The following ACOXL variants were observed in gnomAD, a reference collection of about 807,000 sequenced individuals.
The protein encoded by ACOXL is acyl-coenzyme A oxidase-like protein.
Under a neutral mutation model 71.9 loss-of-function variants are expected in ACOXL, and 70 were observed. The ratio of observed to expected loss-of-function variants is 0.97; its 90% CI spans 0.80 to 1.19. ACOXL has a LOEUF of 1.19. ACOXL is among the 50% of genes most tolerant of loss of function. The pLI, the probability that ACOXL is intolerant of heterozygous loss-of-function variation, is 0.00. For missense variants in ACOXL, 703 were observed against 736.3 expected (o/e 0.95, Z 0.52); for synonymous variants, 253 against 281.6 (o/e 0.90, Z 1.02).
intron 7 of ACOXL, among the ~76,000 whole-genome samples, chr2:110,800,254 G>A (rs2105323512): frequency 1.3e-5 from 2 of 152,268 alleles, no homozygotes; most frequent in East Asian, 3.9e-4. Context: ...CCACCAGCAG[G>A]AACCAACTCC....
intron 13 of ACOXL, among the ~76,000 whole-genome samples, chr2:110,991,533 A>T (rs956297742): frequency 6.6e-6 from 1 of 151,934 alleles, no homozygotes; most frequent in Admixed American, 6.6e-5. Flanking sequence ...CCCTCAAACC[A>T]AAAGTATTGA....
intron 14 of ACOXL, among the ~76,000 whole-genome samples, chr2:111,003,120 C>T (rs534681508): frequency 3.2e-4 from 49 of 151,998 alleles, no homozygotes; most frequent in Non-Finnish European, 6.5e-4. Context: ...TGTCAGAGAC[C>T]AAATCATTCA....
chr2:110,778,257 G>A (rs879435685), intron 2 of ACOXL, among the ~76,000 whole-genome samples: 1 of 152,124 alleles, frequency 6.6e-6, no homozygotes, highest in Non-Finnish European at 1.5e-5. Flanking sequence ...ACTATAAAAA[G>A]ATGCACAAAC....
At chr2:110,766,743 G>A (rs1377675749) in intron 1 of ACOXL, among the ~76,000 whole-genome samples, 1 of 152,176 alleles carries the variant, frequency 6.6e-6, no homozygotes, top group Non-Finnish European at 1.5e-5. Flanking sequence ...GGTGTGACTA[G>A]ATTTACCTCG....
chr2:111,055,761 C>T (rs2066504006), intron 16 of ACOXL, among the ~76,000 whole-genome samples: 1 of 152,234 alleles, frequency 6.6e-6, no homozygotes, highest in Non-Finnish European at 1.5e-5. Context: ...TCAGTAGTGT[C>T]AGTCCTTGTT....
chr2:110,778,011 C>G (rs1201366087), intron 2 of ACOXL, among the ~76,000 whole-genome samples: 3 of 152,244 alleles, frequency 2.0e-5, no homozygotes, highest in Non-Finnish European at 4.4e-5. Context: ...GACCAGCCAG[C>G]AGGCAGGAGT....
chr2:110,968,645 AT>A, intron 12 of ACOXL: 3 of 999,212 alleles, frequency 3.0e-6, no homozygotes, highest in Non-Finnish European at 4.4e-6. Context: ...CAAAATGTCC[AT>A]TGCCCAGAAG....
At chr2:110,895,343 A>G (rs2058966597) in intron 10 of ACOXL, among the ~76,000 whole-genome samples, 1 of 152,202 alleles carries the variant, frequency 6.6e-6, no homozygotes, top group Non-Finnish European at 1.5e-5. Flanking sequence ...GTAAACTAGA[A>G]GATAGAACTA....
intron 1 of ACOXL, among the ~76,000 whole-genome samples, chr2:110,761,151 T>A (rs562643656): frequency 6.6e-6 from 1 of 152,388 alleles, no homozygotes; most frequent in South Asian, 2.1e-4. Flanking sequence ...CTTGTGGTTG[T>A]TGCTTTCAAA....
At chr2:110,857,844 G>T (rs62159471) in intron 10 of ACOXL, among the ~76,000 whole-genome samples, 43,407 of 151,924 alleles carry the variant, frequency 0.29, 6,608 homozygotes, top group Non-Finnish European at 0.33. Context: ...TCTCACCTCA[G>T]CCTCCCGAGC....
At chr2:110,825,429 G>C (rs1007460084) in intron 9 of ACOXL, among the ~76,000 whole-genome samples, 9 of 151,982 alleles carry the variant, frequency 5.9e-5, no homozygotes, top group African/African-American at 2.2e-4. Context: ...AGAATCCTCA[G>C]TAGTCATTTT....
chr2:110,869,719 C>T (rs1333057203), intron 10 of ACOXL, among the ~76,000 whole-genome samples: 1 of 152,220 alleles, frequency 6.6e-6, no homozygotes, highest in Non-Finnish European at 1.5e-5. Context: ...CATCTGTCTC[C>T]AGAGCCCACA....
At chr2:110,813,054 C>T (rs1573638525) in intron 9 of ACOXL, among the ~76,000 whole-genome samples, 1 of 152,310 alleles carries the variant, frequency 6.6e-6, no homozygotes, top group East Asian at 1.9e-4. Context: ...GCCTCTAGGT[C>T]TCTGGCACAA....
chr2:111,095,391 CTTTTTTTTTTTTT>C (rs780172456), intron 17 of ACOXL, among the ~76,000 whole-genome samples: 1 of 116,592 alleles, frequency 8.6e-6, no homozygotes, highest in Non-Finnish European at 1.7e-5. Flanking sequence ...TTTTCTTTTT[CTTTTTTTTTTTTT>C]TTTTTGAGTT....
chr2:110,845,368 C>T (rs1038613768), intron 10 of ACOXL, among the ~76,000 whole-genome samples: 3 of 152,166 alleles, frequency 2.0e-5, no homozygotes, highest in African/African-American at 7.2e-5. Context: ...CTTTTAAAGG[C>T]CCCACCTCTT....
chr2:111,001,672 C>T (rs555294503), intron 14 of ACOXL, among the ~76,000 whole-genome samples: 4 of 152,268 alleles, frequency 2.6e-5, no homozygotes, highest in Admixed American at 6.5e-5. Flanking sequence ...TATCCTGTCC[C>T]GTCCCACCAT....
chr2:110,879,548 T>A (rs549247694), intron 10 of ACOXL, among the ~76,000 whole-genome samples: 2 of 152,266 alleles, frequency 1.3e-5, no homozygotes, highest in South Asian at 4.1e-4. Context: ...AAGAATGAGA[T>A]GGGTTGCAAG....
At chr2:111,006,514 C>CTGATTGTAGGAATG (rs2063881254) in intron 14 of ACOXL, among the ~76,000 whole-genome samples, 1 of 151,936 alleles carries the variant, frequency 6.6e-6, no homozygotes, top group South Asian at 2.1e-4. Flanking sequence ...TTTGTTGTGG[C>CTGATTGTAGGAATG]TGATTGTAGG....
At chr2:111,046,762 T>C (rs1022602187) in intron 15 of ACOXL, among the ~76,000 whole-genome samples, 1 of 151,950 alleles carries the variant, frequency 6.6e-6, no homozygotes, top group African/African-American at 2.4e-5. Context: ...CCAAACCATA[T>C]CAGGTGGGAT....
Sources: allele counts gnomAD v4.1 joint callset (sites outside exome capture counted in the v4.1 genomes callset), GRCh38; gene constraint gnomAD v4.1.1; transcripts MANE v1.5; gene names NCBI Gene and HGNC (gene_info 2026-07-23, HGNC 2026-07-21).